The following NRXN2 variants were observed in gnomAD, a reference collection of about 807,000 sequenced individuals.
NRXN2 encodes neurexin 2.
A neutral mutation model predicts 128.8 loss-of-function variants in NRXN2; 29 were observed. That is an observed-to-expected ratio of 0.23 (90% CI 0.17 to 0.31). The LOEUF (loss-of-function observed/expected upper bound fraction) is 0.31. Ranked by LOEUF, NRXN2 falls within the 10% of genes least tolerant of loss-of-function variation. The probability of loss-of-function intolerance (pLI) is 1.00; values close to 1 mark genes in which losing one functional copy is unlikely to be tolerated. For missense variants in NRXN2, 1,881 were observed against 2,452.6 expected, an observed-to-expected ratio of 0.77 and a Z score of 4.92; for synonymous variants, 1,098 against 1,075.2, an observed-to-expected ratio of 1.02 and a Z score of -0.41.
intron 3 of NRXN2, among the ~76,000 whole-genome samples, chr11:64,693,629 T>G: frequency 6.6e-6 from 1 of 152,142 alleles, no homozygotes; most frequent in East Asian, 1.9e-4. Context: ...CAGCTACCCT[T>G]CCCAATAACC....
chr11:64,659,119 C>T (rs914827083), intron 11 of NRXN2, among the ~76,000 whole-genome samples: 2 of 152,242 alleles, frequency 1.3e-5, no homozygotes, highest in Non-Finnish European at 2.9e-5. Context: ...GTCCAGGATA[C>T]AACAAGTGAC....
At chr11:64,663,695 G>A (rs1271074853) in intron 9 of NRXN2, among the ~76,000 whole-genome samples, 1 of 152,194 alleles carries the variant, frequency 6.6e-6, no homozygotes, top group African/African-American at 2.4e-5. Context: ...GGAAAGAGAT[G>A]GGGAAGGGGT....
chr11:64,688,786 A>C (rs2053438891), intron 5 of NRXN2: 1 of 985,228 alleles, frequency 1.0e-6, no homozygotes, highest in Non-Finnish European at 1.2e-6. Context: ...ATTTCTGAGA[A>C]CCATGCATGA....
intron 1 of NRXN2, among the ~76,000 whole-genome samples, chr11:64,718,039 G>A (rs1257012007): frequency 6.6e-6 from 1 of 152,124 alleles, no homozygotes. Flanking sequence ...TGAGTCCCAG[G>A]GAGGGGCAGT....
intron 1 of NRXN2, among the ~76,000 whole-genome samples, chr11:64,722,340 A>G (rs1365462055): frequency 8.2e-6 from 1 of 122,622 alleles, no homozygotes; most frequent in East Asian, 2.3e-4. Flanking sequence ...CTCAGACCCC[A>G]TCTTTCCCAG....
chr11:64,682,600 C>G (rs566976067), intron 6 of NRXN2, among the ~76,000 whole-genome samples: 1 of 152,236 alleles, frequency 6.6e-6, no homozygotes, highest in Non-Finnish European at 1.5e-5. Context: ...GAGCAGTTAT[C>G]CAAGCTGGGC....
chr11:64,692,914 A>T, intron 3 of NRXN2, 38 bp from the exon 4 acceptor site: 4 of 1,547,160 alleles, frequency 2.6e-6, no homozygotes, highest in Non-Finnish European at 2.7e-6. Flanking sequence ...GAAAGAAAAA[A>T]AGAAGAAGAA....
rs2039776323 is a variant in NRXN2, at chr11:64,607,292, G to A, written c.5043C>T (p.Ala1681=). Reference sequence around the variant, plus strand: ...CTTTCACCACCGCCCCATTGCTCTGGGCCGAGTTACTGATGTAGTTTCGGC... The same window carrying A: ...CTTTCACCACCGCCCCATTGCTCTGAGCCGAGTTACTGATGTAGTTTCGGC... The part of the protein sequence containing the change: ...DQSRNYISNS[A]QSNGAVVKEK... The change falls in exon 23 of 23, where the codon GCC becomes GCT. Residue 1681 remains alanine, a synonymous_variant. Transcript: ENST00000265459. 1.2e-6 allele frequency: 2 copies of A among 1,613,926 alleles called. No individual in the cohort carries two copies. The highest frequency in any genetic ancestry group is 1.3e-5 in the African/African-American group (1 of 74,890).
At chr11:64,695,713 T>G (rs576655344) in intron 3 of NRXN2, among the ~76,000 whole-genome samples, 1 of 151,928 alleles carries the variant, frequency 6.6e-6, no homozygotes, top group Admixed American at 6.5e-5. Flanking sequence ...GACTCCTAGG[T>G]GTGTATACAC....
chr11:64,620,418 T>C, intron 21 of NRXN2, 46 bp from the exon 22 acceptor site: 1 of 1,464,820 alleles, frequency 6.8e-7, no homozygotes, highest in East Asian at 2.5e-5. Flanking sequence ...TCCAGGCAGG[T>C]CAGCAGATCC....
intron 22 of NRXN2, among the ~76,000 whole-genome samples, chr11:64,619,921 TGG>T (rs1263968766): frequency 2.6e-5 from 4 of 152,144 alleles, no homozygotes; most frequent in African/African-American, 9.7e-5. Context: ...GTTGTGGTTC[TGG>T]ACCCAAGAAC....
chr11:64,648,210 G>A lies in NRXN2; in HGVS notation c.3403+9C>T, dbSNP rs1236706341. The A allele has an allele frequency of 6.2e-7, 1 of 1,614,112 alleles. No individual in the cohort carries two copies. Among genetic ancestry groups the A allele is most frequent in the East Asian group, 2.2e-5 (1 of 44,882 alleles). On this transcript the variant is annotated intron_variant, in intron 17 of 22. Coordinates refer to ENST00000265459, the MANE Select transcript of NRXN2 (RefSeq NM_015080.4). This position sits in a 1 kb window ranked among gnomAD's most constrained non-coding sequence, Gnocchi z 4.1. ...CCCCAAACTGCCCCCAGCCCTCCCA[G>A]GCACTCACGATCATTGCAGACAGGG...
intron 22 of NRXN2, among the ~76,000 whole-genome samples, chr11:64,612,968 A>G (rs1181450693): frequency 1.3e-5 from 2 of 152,270 alleles, no homozygotes; most frequent in African/African-American, 4.8e-5. Context: ...TGGCTGGGCA[A>G]GCAGAGCCCT....
intron 19 of NRXN2, among the ~76,000 whole-genome samples, chr11:64,627,170 C>T (rs1006708082): frequency 1.3e-5 from 2 of 152,064 alleles, no homozygotes; most frequent in Admixed American, 6.5e-5. Flanking sequence ...CCTATGACCC[C>T]GCCACCTCAT....
At position 64,630,656 on chromosome 11, in the gene NRXN2, G is replaced by A; in HGVS notation, c.3586-83C>T. ...GTGGCTACTCCTGTGACCACCACTA[G>A]CCCAGCTCCGCAGCACTTAAGGCAC... On this transcript the variant is annotated intron_variant, in intron 18 of 22. Coordinates refer to ENST00000265459, the MANE Select transcript of NRXN2 (RefSeq NM_015080.4). This position sits in a 1 kb window ranked among gnomAD's most constrained non-coding sequence, Gnocchi z 4.6. 2.0e-6 allele frequency: 3 copies of A among 1,498,590 alleles called. No homozygotes were observed. Among genetic ancestry groups the A allele is most frequent in the Non-Finnish European group, 9.2e-7 (1 of 1,087,172 alleles). The allele number at this position is 1,498,590 out of a possible 1,614,324, so 92.8% of individuals were successfully genotyped here. A position where few individuals can be genotyped will look rare whatever the true frequency, so the allele number is the denominator to read the frequency against.
chr11:64,712,485 G>A (rs1565476866), intron 2 of NRXN2, among the ~76,000 whole-genome samples: 1 of 145,058 alleles, frequency 6.9e-6, no homozygotes, highest in Non-Finnish European at 1.5e-5. Flanking sequence ...TTCCACGCCA[G>A]CCCCACTCAC....
At chr11:64,688,810 T>C (rs1377058121) in intron 5 of NRXN2, 1 of 985,276 alleles carries the variant, frequency 1.0e-6, no homozygotes, top group Admixed American at 6.1e-5. Context: ...ACAAAGCAGC[T>C]GCCTTCTTTC....
At chr11:64,664,920 G>A (rs1304919356) in intron 9 of NRXN2, among the ~76,000 whole-genome samples, 6 of 151,236 alleles carry the variant, frequency 4.0e-5, no homozygotes, top group Non-Finnish European at 8.8e-5. Context: ...AACCCAGGAG[G>A]CGGAGGTTGC....
intron 22 of NRXN2, among the ~76,000 whole-genome samples, chr11:64,612,580 T>G (rs114357581): frequency 0.062 from 9,436 of 152,214 alleles, 986 homozygotes; most frequent in African/African-American, 0.21. Context: ...CTCCCCTTCC[T>G]CCCCAACTCT....
Sources: allele counts gnomAD v4.1 joint callset (sites outside exome capture counted in the v4.1 genomes callset), GRCh38; gene constraint gnomAD v4.1.1; non-coding constraint Gnocchi (gnomAD v3.1); transcripts MANE v1.5; gene names NCBI Gene and HGNC (gene_info 2026-07-23, HGNC 2026-07-21).